Variants in PHTF1 observed in about 807,000 individuals in gnomAD.
PHTF1 encodes the protein protein PHTF1.
A neutral mutation model predicts 102.4 loss-of-function variants in PHTF1; 88 were observed. That is an observed-to-expected ratio of 0.86 (90% CI 0.72 to 1.03). The LOEUF (loss-of-function observed/expected upper bound fraction) is 1.03. PHTF1 is among the 50% of genes least tolerant of loss of function. PHTF1 has a pLI of 0.00. For synonymous variants in PHTF1, 289 were observed against 305.2 expected, an observed-to-expected ratio of 0.95 and a Z score of 0.55; for missense variants, 814 against 909.5, an observed-to-expected ratio of 0.89 and a Z score of 1.35.
In PHTF1 at chr1:113,706,666, T is replaced by C; in HGVS notation, c.1326A>G (p.Ile442Met). The C allele has an allele frequency of 6.2e-7, 1 of 1,609,238 alleles. No individual in the cohort carries two copies. The highest frequency in any genetic ancestry group is 8.5e-7 in the Non-Finnish European group (1 of 1,176,812). ...TTTTGCACTCATTCCCCTCCCAGAT[T>C]ATTGCACTAACTCGATCAGAGGAAG... ...SSPSSDRVSA[I>M]IWEGNECKKM... is the part of the protein sequence containing the mutation. Residue 442 changes from isoleucine (I) to methionine (M), a missense_variant, in exon 12 of 19, where the codon ATA becomes ATG. Physicochemically the swap from Ile to Met is conservative, Grantham distance 10. Transcript: ENST00000369604.
At chr1:113,701,826 TAAA>T (rs34844793) in intron 15 of PHTF1, among the ~76,000 whole-genome samples, 400 of 27,810 alleles carry the variant, frequency 0.014, no homozygotes, top group African/African-American at 0.018. Flanking sequence ...CAATTCCTGG[TAAA>T]AAAAAAAAAA....
At chr1:113,722,959 T>TAA (rs1553228502) in intron 7 of PHTF1, among the ~76,000 whole-genome samples, 3 of 145,280 alleles carry the variant, frequency 2.1e-5, no homozygotes, top group Non-Finnish European at 3.0e-5. Context: ...AATAAATAAA[T>TAA]AAATAAAAAT....
chr1:113,726,638 C>T, intron 5 of PHTF1, 64 bp from the exon 6 acceptor site: 1 of 1,027,134 alleles, frequency 9.7e-7, no homozygotes, highest in East Asian at 2.8e-5. Context: ...ATTCTAAAAA[C>T]TATACAAATT....
chr1:113,740,843 C>A (rs1271016379), intron 3 of PHTF1, among the ~76,000 whole-genome samples: 1 of 152,020 alleles, frequency 6.6e-6, no homozygotes, highest in Non-Finnish European at 1.5e-5. Flanking sequence ...CCAGCCTGGC[C>A]AACATGCTGA....
chr1:113,738,707 T>G (rs779548836), intron 4 of PHTF1, 23 bp downstream of exon 4: 1 of 1,447,990 alleles, frequency 6.9e-7, no homozygotes, highest in South Asian at 1.2e-5. Context: ...ATAATGTACA[T>G]AAAAAACAAT....
chr1:113,699,264 G>C (rs1309753070), intron 17 of PHTF1: 1 of 253,098 alleles, frequency 4.0e-6, no homozygotes, highest in Non-Finnish European at 7.8e-6. Flanking sequence ...TCCCCCAGTA[G>C]TCTCCTCACA....
At chr1:113,706,347 T>C (rs1392759036) in intron 12 of PHTF1, among the ~76,000 whole-genome samples, 185 bp from the exon 13 acceptor site, 2 of 152,158 alleles carry the variant, frequency 1.3e-5, no homozygotes, top group East Asian at 1.9e-4. Flanking sequence ...GGAATATCTG[T>C]AGAGCATACC....
At chr1:113,731,659 C>T (rs1055950075) in intron 5 of PHTF1, among the ~76,000 whole-genome samples, 2 of 151,778 alleles carry the variant, frequency 1.3e-5, no homozygotes, top group African/African-American at 2.4e-5. Context: ...TTTGGGAGGC[C>T]GAGGCGGAAG....
rs746054973 is a variant in PHTF1 at position 113,700,952 on chromosome 1, A to G, written c.1891-3T>C. 6.3e-7 allele frequency: 1 copy of G among 1,586,924 alleles called. No individual in the cohort carries two copies. The highest frequency in any genetic ancestry group is 1.2e-5 in the South Asian group (1 of 85,896). Reference sequence around the variant, plus strand: ...AAAGTTTTATGTCCTTGGAGAACCTATACAAAGGATCAAAAAAAAGTTAAG... The same window carrying G: ...AAAGTTTTATGTCCTTGGAGAACCTGTACAAAGGATCAAAAAAAAGTTAAG... On this transcript the variant is annotated splice_polypyrimidine_tract_variant and splice_region_variant and intron_variant, in intron 15 of 18. Transcript: ENST00000369604.
chr1:113,742,387 G>C (rs1404205644), intron 3 of PHTF1, among the ~76,000 whole-genome samples: 1 of 152,138 alleles, frequency 6.6e-6, no homozygotes, highest in Non-Finnish European at 1.5e-5. Flanking sequence ...ACTTTAGAAG[G>C]CCAAGGCAGG....
chr1:113,699,512 C>T, intron 17 of PHTF1, 192 bp downstream of exon 17: 1 of 652,456 alleles, frequency 1.5e-6, no homozygotes, highest in East Asian at 2.8e-5. Flanking sequence ...CTTAATCTTG[C>T]CTCCAGGAGC....
At chr1:113,705,215 G>A (rs755888457) in intron 13 of PHTF1, among the ~76,000 whole-genome samples, 1 of 152,178 alleles carries the variant, frequency 6.6e-6, no homozygotes, top group Non-Finnish European at 1.5e-5. Context: ...AAAGACGGGC[G>A]GATAACTTGA....
At chr1:113,698,144 A>G in intron 18 of PHTF1, 118 bp downstream of exon 18, 1 of 727,026 alleles carries the variant, frequency 1.4e-6, no homozygotes, top group Admixed American at 3.3e-5. Flanking sequence ...AGTTATTTGC[A>G]TGCTAGAAAC....
In PHTF1 at chr1:113,724,857, T is replaced by C; in HGVS notation, c.525A>G (p.Arg175=). 1 of 1,608,888 alleles carries C rather than the reference T, an allele frequency of 6.2e-7. No individual in the cohort carries two copies. Among genetic ancestry groups the C allele is most frequent in the South Asian group, 1.1e-5 (1 of 89,890 alleles). The change falls in exon 7 of 19, where the codon CGA becomes CGG. Residue 175 remains arginine (R), a synonymous_variant. Coordinates refer to ENST00000369604, the MANE Select transcript of PHTF1 (RefSeq NM_001323043.2). The part of the protein sequence containing the change: ...LRKTVNGDGS[R]ENGNNSSDKV... ...TATCAGAGGAGTTATTTCCATTTTC[T>C]CGGCTCCCATCACCATTTACAGTTT...
At chr1:113,715,145 A>T (rs1651791225) in intron 7 of PHTF1, 1 of 152,242 alleles carries the variant, frequency 6.6e-6, no homozygotes, top group Non-Finnish European at 1.5e-5. Context: ...ATTCCCCTCA[A>T]ATACTTGGAA....
chr1:113,715,417 G>A (rs1651830705), intron 7 of PHTF1, among the ~76,000 whole-genome samples: 1 of 151,970 alleles, frequency 6.6e-6, no homozygotes, highest in East Asian at 1.9e-4. Flanking sequence ...CAGTTTGGGA[G>A]GCCAAGGGAC....
chr1:113,758,231 C>CAA (rs1162537319), intron 2 of PHTF1, among the ~76,000 whole-genome samples: 1,737 of 56,772 alleles, frequency 0.031, 114 homozygotes, highest in Middle Eastern at 0.043. Context: ...AACTCCGTCT[C>CAA]AAAAAAAAAA....
At chr1:113,700,288 CAA>C (rs1219841749) in intron 16 of PHTF1, 2 of 497,514 alleles carry the variant, frequency 4.0e-6, no homozygotes, top group African/African-American at 4.2e-5. Context: ...TGTTTTTATT[CAA>C]AGTTTATGGA....
chr1:113,716,144 AAAG>A (rs986568703), intron 7 of PHTF1, among the ~76,000 whole-genome samples: 13 of 152,112 alleles, frequency 8.5e-5, no homozygotes, highest in African/African-American at 2.9e-4. Context: ...GATTTAACAC[AAAG>A]AAGATTACCT....
Sources: gnomAD v4.1 joint callset for allele counts (sites outside exome capture counted in the v4.1 genomes callset) on GRCh38, gnomAD v4.1.1 for gene constraint, MANE v1.5 for transcripts, NCBI Gene and HGNC (gene_info 2026-07-23, HGNC 2026-07-21) for gene names.